Variants in MCTP1 observed in about 807,000 individuals in gnomAD.
MCTP1 encodes the protein multiple C2 and transmembrane domain containing 1.
A neutral mutation model predicts 120.6 loss-of-function variants in MCTP1; 69 were observed. The observed-to-expected ratio is 0.57, with a 90% CI of 0.47 to 0.70. MCTP1 has a LOEUF of 0.70. Ranked by LOEUF, MCTP1 falls within the 30% of genes least tolerant of loss-of-function variation. The pLI is 0.00. For synonymous variants in MCTP1, 529 were observed against 493.1 expected (o/e 1.07, Z -0.96); for missense variants, 1,203 against 1,248.8 (o/e 0.96, Z 0.55).
intron 12 of MCTP1, among the ~76,000 whole-genome samples, chr5:94,883,234 T>C (rs1250961032): frequency 6.6e-6 from 1 of 152,220 alleles, no homozygotes; most frequent in East Asian, 1.9e-4. Flanking sequence ...AAACCAGGTA[T>C]ATTACCGTGA....
rs186413835 is a variant in MCTP1 at position 95,112,770 on chromosome 5, T to C, written c.721-95286A>G. 3.4e-4 allele frequency among the ~76,000 whole-genome samples: 52 copies of C among 152,328 alleles called. No homozygotes were observed. The East Asian group carries it at 9.2e-3, about 27-fold the overall frequency. ...AAAATGTGAAATAAAAAGTTCATCT[T>C]AGAGTCAATGAAATTAATTACTTGA... is the stretch of plus-strand genomic sequence containing the variant. On this transcript the variant is annotated intron_variant, in intron 1 of 22. Coordinates refer to ENST00000515393, the MANE Select transcript of MCTP1 (RefSeq NM_024717.7).
chr5:94,710,927 A>T lies in MCTP1; in HGVS notation c.2721T>A (p.Asn907Lys). Residue 907 changes from asparagine to lysine, a missense_variant and splice_region_variant, in exon 21 of 23, where the codon AAT becomes AAA. Asn to Lys is a moderately conservative substitution (Grantham distance 94). Coordinates refer to ENST00000515393, the MANE Select transcript of MCTP1 (RefSeq NM_024717.7). ...EVASFGERIK[N>K]TFNWTVPFLS... ...AGAATGGGACAGTCCAGTTGAAAGT[A>T]CTGAATGGAAAATTAACACATCAGC... The T allele has an allele frequency of 6.2e-7, 1 of 1,603,014 alleles. No homozygotes were observed. Among genetic ancestry groups the T allele is most frequent in the Non-Finnish European group, 8.5e-7 (1 of 1,171,172 alleles).
chr5:94,770,552 T>A (rs1773825233), intron 19 of MCTP1, among the ~76,000 whole-genome samples: 1 of 152,326 alleles, frequency 6.6e-6, no homozygotes, highest in South Asian at 2.1e-4. Context: ...AAACTTTTCA[T>A]TTAAATTATT....
intron 1 of MCTP1, among the ~76,000 whole-genome samples, chr5:95,083,521 A>G (rs1755185471): frequency 6.6e-6 from 1 of 152,202 alleles, no homozygotes; most frequent in South Asian, 2.1e-4. Context: ...CTGGTCTAGT[A>G]AGCATGCCAA....
chr5:95,156,624 A>T (rs1201885548), intron 1 of MCTP1, among the ~76,000 whole-genome samples: 1 of 152,222 alleles, frequency 6.6e-6, no homozygotes, highest in Non-Finnish European at 1.5e-5. Context: ...GATGCTGAAG[A>T]CAGAGAACAA....
At chr5:94,830,340 T>C (rs978402545) in intron 17 of MCTP1, among the ~76,000 whole-genome samples, 1 of 152,232 alleles carries the variant, frequency 6.6e-6, no homozygotes, top group Non-Finnish European at 1.5e-5. Flanking sequence ...TATAATTAAG[T>C]ATCCAAAAAT....
chr5:95,258,793 T>C (rs1346555654), intron 1 of MCTP1, among the ~76,000 whole-genome samples: 1 of 152,188 alleles, frequency 6.6e-6, no homozygotes, highest in Non-Finnish European at 1.5e-5. Flanking sequence ...AGTGATACCT[T>C]GTCAACAATT....
At chr5:94,920,275 T>G (rs1206708318) in intron 7 of MCTP1, among the ~76,000 whole-genome samples, 2 of 135,816 alleles carry the variant, frequency 1.5e-5, no homozygotes, top group Admixed American at 1.4e-4. Flanking sequence ...GAGACCTGTT[T>G]TTTTTTTTTT....
intron 18 of MCTP1, among the ~76,000 whole-genome samples, chr5:94,781,820 C>A (rs1776638260): frequency 6.6e-6 from 1 of 152,284 alleles, no homozygotes. Context: ...CACAAATGTG[C>A]AGCCAGAACC....
At chr5:94,796,641 AATATATATT>A (rs143568918) in intron 18 of MCTP1, among the ~76,000 whole-genome samples, 95,547 of 137,762 alleles carry the variant, frequency 0.69, 33,855 homozygotes, top group Non-Finnish European at 0.76. Flanking sequence ...TTATATATGT[AATATATATT>A]ATATATATTA....
At chr5:95,108,914 G>T (rs960862581) in intron 1 of MCTP1, among the ~76,000 whole-genome samples, 1 of 152,138 alleles carries the variant, frequency 6.6e-6, no homozygotes, top group Admixed American at 6.5e-5. Context: ...CTATATACCA[G>T]ATGTTATATT....
chr5:95,031,346 T>C (rs1581932565), intron 1 of MCTP1, among the ~76,000 whole-genome samples: 1 of 148,116 alleles, frequency 6.8e-6, no homozygotes, highest in East Asian at 2.0e-4. Flanking sequence ...TTTTCCAAGG[T>C]CAACATGAAA....
chr5:95,040,225 C>T (rs188215085), intron 1 of MCTP1, among the ~76,000 whole-genome samples: 2 of 152,176 alleles, frequency 1.3e-5, no homozygotes, highest in African/African-American at 4.8e-5. Flanking sequence ...CACCTGAGGT[C>T]AGGAGTTTGA....
chr5:95,047,860 G>A (rs1458472456), intron 1 of MCTP1, among the ~76,000 whole-genome samples: 1 of 152,066 alleles, frequency 6.6e-6, no homozygotes, highest in East Asian at 1.9e-4. Context: ...TACTGGGCTA[G>A]GGAATAGATA....
intron 2 of MCTP1, among the ~76,000 whole-genome samples, chr5:94,991,887 T>A (rs532152882): frequency 3.2e-3 from 403 of 127,716 alleles, no homozygotes; most frequent in African/African-American, 8.8e-3. Flanking sequence ...CAAAAAAAAA[T>A]AAAAATAAAT....
At chr5:94,732,817 G>A (rs1345939060) in intron 19 of MCTP1, among the ~76,000 whole-genome samples, 4 of 152,078 alleles carry the variant, frequency 2.6e-5, no homozygotes, top group Admixed American at 2.0e-4. Flanking sequence ...TCTCGATCTT[G>A]GACTTTCTAG....
chr5:95,093,983 A>G (rs1756038451), intron 1 of MCTP1, among the ~76,000 whole-genome samples: 1 of 152,238 alleles, frequency 6.6e-6, no homozygotes, highest in Non-Finnish European at 1.5e-5. Context: ...GCTGAGCTCC[A>G]GGCCAATGGC....
chr5:95,216,618 T>C (rs980695574), intron 1 of MCTP1, among the ~76,000 whole-genome samples: 2 of 151,112 alleles, frequency 1.3e-5, no homozygotes, highest in Non-Finnish European at 3.0e-5. Context: ...GTGTCCGATA[T>C]CACAGCACTC....
At chr5:94,817,323 G>A (rs1001069061) in intron 17 of MCTP1, among the ~76,000 whole-genome samples, 4 of 152,108 alleles carry the variant, frequency 2.6e-5, no homozygotes, top group African/African-American at 4.8e-5. Flanking sequence ...CATGAGAATC[G>A]CTTGAACCCA....
Sources: gnomAD v4.1 joint callset for allele counts (sites outside exome capture counted in the v4.1 genomes callset) on GRCh38, gnomAD v4.1.1 for gene constraint, MANE v1.5 for transcripts, NCBI Gene and HGNC (gene_info 2026-07-23, HGNC 2026-07-21) for gene names.